The following SPP2 variants were observed in gnomAD, a reference collection of about 807,000 sequenced individuals.
SPP2 encodes the protein secreted phosphoprotein 2, also known as secreted phosphoprotein 24.
SPP2 carries 34 observed loss-of-function variants against 28.8 expected under a neutral mutation model. The ratio of observed to expected loss-of-function variants is 1.18; its 90% confidence interval spans 0.90 to 1.57. The LOEUF (loss-of-function observed/expected upper bound fraction) is 1.57, where lower values mean the gene tolerates loss of function less well. Among genes scored for constraint, SPP2 ranks in the 40% most tolerant of loss-of-function variants. The pLI is 0.00. For synonymous variants in SPP2, 96 were observed against 89.4 expected, an observed-to-expected ratio of 1.07 and a Z score of -0.42; for missense variants, 269 against 263.9, an observed-to-expected ratio of 1.02 and a Z score of -0.13.
At chr2:234,072,504 A>AT (rs1191732704) in intron 7 of SPP2, among the ~76,000 whole-genome samples, 2 of 152,194 alleles carry the variant, frequency 1.3e-5, no homozygotes, top group Non-Finnish European at 2.9e-5. Flanking sequence ...ATGTGTATAC[A>AT]TATGTGTATT....
At chr2:234,063,218 T>C (rs1200479008) in intron 4 of SPP2, among the ~76,000 whole-genome samples, 1 of 151,832 alleles carries the variant, frequency 6.6e-6, no homozygotes, top group Admixed American at 6.6e-5. Flanking sequence ...CATTTAGTCA[T>C]AGAACAAATA....
At chr2:234,063,837 C>T (rs1445214382) in intron 4 of SPP2, among the ~76,000 whole-genome samples, 2 of 152,098 alleles carry the variant, frequency 1.3e-5, no homozygotes, top group East Asian at 1.9e-4. Flanking sequence ...CTAGGGTTTC[C>T]GACACGAGAC....
At chr2:234,053,267 C>A (rs17869096) in intron 2 of SPP2, among the ~76,000 whole-genome samples, 3,517 of 152,234 alleles carry the variant, frequency 0.023, 72 homozygotes, top group African/African-American at 0.042. Context: ...TATTTACTAG[C>A]ATGTTAAACG....
At chr2:234,062,205 T>TG (rs1366010624) in intron 4 of SPP2, among the ~76,000 whole-genome samples, 1 of 152,100 alleles carries the variant, frequency 6.6e-6, no homozygotes, top group Non-Finnish European at 1.5e-5. Context: ...AGGCAGGCAC[T>TG]GGGGGCCACA....
intron 2 of SPP2, among the ~76,000 whole-genome samples, chr2:234,056,715 A>T (rs1018216425): frequency 6.6e-6 from 1 of 152,060 alleles, no homozygotes; most frequent in Non-Finnish European, 1.5e-5. Flanking sequence ...TTATTTTTTA[A>T]TTTTTTAATG....
Position 234,068,719 on chromosome 2 carries a change from TA to T in SPP2, c.551-1206del, listed in dbSNP as rs1406244456. On this transcript the variant is annotated intron_variant, in intron 6 of 7. Coordinates refer to ENST00000168148, the MANE Select transcript of SPP2 (RefSeq NM_006944.3). ...ATCCATGGCTTTTTTTTTTTTTTTT[TA>T]AATCTCCGTACTGGTGGCAAACATT... is the stretch of plus-strand genomic sequence containing the variant. 3.2e-3 allele frequency among the ~76,000 whole-genome samples: 481 copies of T among 148,914 alleles called. 4 individuals carry two copies. Among genetic ancestry groups the T allele is most frequent in the African/African-American group, 0.011 (461 of 40,968 alleles).
chr2:234,059,623 G>C (rs1162391190), intron 3 of SPP2, among the ~76,000 whole-genome samples: 1 of 152,152 alleles, frequency 6.6e-6, no homozygotes, highest in Non-Finnish European at 1.5e-5. Flanking sequence ...TGAGACAGTG[G>C]ATCCCTGTGC....
chr2:234,055,569 T>C (rs1488280309), intron 2 of SPP2, among the ~76,000 whole-genome samples: 1 of 152,186 alleles, frequency 6.6e-6, no homozygotes, highest in Non-Finnish European at 1.5e-5. Context: ...GGTCTTTTAT[T>C]TTTATATATT....
intron 7 of SPP2, among the ~76,000 whole-genome samples, chr2:234,073,375 C>T (rs1690834598): frequency 6.6e-6 from 1 of 152,112 alleles, no homozygotes; most frequent in Non-Finnish European, 1.5e-5. Flanking sequence ...AGTGCATGAC[C>T]AGAAACAAAA....
At chr2:234,053,348 G>A (rs1204272132) in intron 2 of SPP2, among the ~76,000 whole-genome samples, 1 of 152,156 alleles carries the variant, frequency 6.6e-6, no homozygotes, top group Non-Finnish European at 1.5e-5. Context: ...AAGCAAATAA[G>A]TGGTTTAGTC....
Position 234,069,936 on chromosome 2 carries a change from A to G in SPP2, c.559A>G (p.Arg187Gly), listed in dbSNP as rs1246612600. ...CCCTTTTCTATCTTTAGGGATCATG[A>G]GAAGGGTATTGCCTCCTGGAAACAG... ...QFYDRSLGIM[R>G]RVLPPGNRRY... Residue 187 changes from arginine (R) to glycine (G), a missense_variant, in exon 7 of 8, where the codon AGA becomes GGA. Physicochemically the swap from Arg to Gly is moderately radical, Grantham distance 125. Coordinates refer to ENST00000168148, the MANE Select transcript of SPP2 (RefSeq NM_006944.3). The G allele has an allele frequency of 6.2e-7, 1 of 1,613,044 alleles. No homozygotes were observed. Among genetic ancestry groups the G allele is most frequent in the South Asian group, 1.1e-5 (1 of 91,070 alleles).
intron 2 of SPP2, among the ~76,000 whole-genome samples, chr2:234,054,048 G>C (rs1271373204): frequency 6.6e-6 from 1 of 152,158 alleles, no homozygotes; most frequent in Non-Finnish European, 1.5e-5. Flanking sequence ...GCCTTGCCTG[G>C]GGCAGCAGTC....
intron 7 of SPP2, among the ~76,000 whole-genome samples, chr2:234,070,382 G>A (rs1293407026): frequency 6.6e-6 from 1 of 152,124 alleles, no homozygotes; most frequent in Non-Finnish European, 1.5e-5. Context: ...GCGGTCTCTG[G>A]TTGCTTCCTC....
intron 4 of SPP2, among the ~76,000 whole-genome samples, chr2:234,064,136 C>A (rs1693773055): frequency 6.8e-6 from 1 of 147,162 alleles, no homozygotes; most frequent in South Asian, 2.4e-4. Flanking sequence ...CCTCCCTCTT[C>A]CTTCTCCCCC....
chr2:234,054,218 G>A (rs1693560462), intron 2 of SPP2, among the ~76,000 whole-genome samples: 1 of 152,204 alleles, frequency 6.6e-6, no homozygotes, highest in Non-Finnish European at 1.5e-5. Flanking sequence ...GAGGGAGGCT[G>A]GCTAGAGCCA....
At chr2:234,054,773 G>A (rs1188713292) in intron 2 of SPP2, among the ~76,000 whole-genome samples, 1 of 152,158 alleles carries the variant, frequency 6.6e-6, no homozygotes, top group Non-Finnish European at 1.5e-5. Flanking sequence ...GCTGTGTGGA[G>A]TGGGGTGTGA....
chr2:234,057,441 C>T (rs1693631765), intron 2 of SPP2, among the ~76,000 whole-genome samples: 1 of 152,216 alleles, frequency 6.6e-6, no homozygotes, highest in African/African-American at 2.4e-5. Flanking sequence ...TTTAAATTTG[C>T]CTTCCTTGGG....
chr2:234,065,871 A>G (rs764561609), intron 4 of SPP2, among the ~76,000 whole-genome samples: 3 of 152,012 alleles, frequency 2.0e-5, no homozygotes, highest in Non-Finnish European at 4.4e-5. Context: ...TGATTTTTGC[A>G]TATGTTGTGA....
chr2:234,056,230 C>A (rs1242306640), intron 2 of SPP2: 1 of 151,632 alleles, frequency 6.6e-6, no homozygotes, highest in Non-Finnish European at 1.5e-5. Flanking sequence ...AGAAAAAAAA[C>A]AAACAACCCC....
Sources: allele counts gnomAD v4.1 joint callset (sites outside exome capture counted in the v4.1 genomes callset), GRCh38; gene constraint gnomAD v4.1.1; transcripts MANE v1.5; gene names NCBI Gene and HGNC (gene_info 2026-07-23, HGNC 2026-07-21).